Variants in PCDHGB7 observed in about 807,000 individuals in gnomAD.
PCDHGB7 encodes the protein protocadherin gamma-B7.
A neutral mutation model predicts 61.4 loss-of-function variants in PCDHGB7; 37 were observed. That is an observed-to-expected ratio of 0.60 (90% CI 0.46 to 0.79). The LOEUF (loss-of-function observed/expected upper bound fraction) is 0.79. Among genes scored for constraint, PCDHGB7 ranks in the 30% least tolerant of loss-of-function variants. PCDHGB7 has a pLI of 0.00. For missense variants in PCDHGB7, 1,166 were observed against 1,202.5 expected (o/e 0.97, Z 0.45); for synonymous variants, 464 against 503.5 (o/e 0.92, Z 1.05).
chr5:141,507,495 G>T (rs375483743), intron 3 of PCDHGB7, among the ~76,000 whole-genome samples: 2 of 152,234 alleles, frequency 1.3e-5, no homozygotes, highest in Non-Finnish European at 2.9e-5. Context: ...AGGCAGAGCT[G>T]TCCCAGGTCT....
At chr5:141,499,908 G>A (rs903753761) in intron 2 of PCDHGB7, among the ~76,000 whole-genome samples, 2 of 151,980 alleles carry the variant, frequency 1.3e-5, no homozygotes, top group African/African-American at 2.4e-5. Flanking sequence ...GGCTGGTCTT[G>A]AACTCCTGGC....
intron 1 of PCDHGB7, among the ~76,000 whole-genome samples, chr5:141,446,571 G>C (rs1460375061): frequency 2.0e-5 from 3 of 152,058 alleles, no homozygotes; most frequent in African/African-American, 7.2e-5. Flanking sequence ...CTGCCTCCCA[G>C]GTTCAAGTGA....
chr5:141,417,866 G>C lies in PCDHGB7; in HGVS notation c.7G>C (p.Gly3Arg), dbSNP rs1299960512. The change falls in exon 1 of 4, where the codon GGG (glycine) becomes CGG (arginine). Residue 3 changes from glycine to arginine, a missense_variant. By Grantham distance (125) the Gly-to-Arg change is moderately radical (BLOSUM62 -2). Coordinates refer to ENST00000398594, the MANE Select transcript of PCDHGB7 (RefSeq NM_018927.4). ...GCGAGAACCCGAGCGAACGATGGGA[G>C]GGAGCTGCGCGCAGAGGCGCCGGGC... is the stretch of plus-strand genomic sequence containing the variant. MG[G>R]SCAQRRRAGP... 1 of 1,552,408 alleles carries C rather than the reference G, an allele frequency of 6.4e-7. No homozygotes were observed. Among genetic ancestry groups the C allele is most frequent in the African/African-American group, 1.4e-5 (1 of 73,156 alleles).
rs749086929 is a variant in PCDHGB7, at chr5:141,485,998, T to A, written c.2416-8809T>A. ...CAGACCCGGACCTGGGTCCCAGTGG[T>A]AACGTCACCTTTTATTTCAGTGGTC... On this transcript the variant is annotated intron_variant, in intron 1 of 3. Transcript: ENST00000398594. The surrounding 1 kb of genome is among the most constrained non-coding windows in gnomAD (Gnocchi z 5.7). 2.4e-5 allele frequency: 38 copies of A among 1,614,068 alleles called. No individual in the cohort carries two copies. Among genetic ancestry groups the A allele is most frequent in the Non-Finnish European group, 3.1e-5 (37 of 1,180,046 alleles).
intron 1 of PCDHGB7, among the ~76,000 whole-genome samples, chr5:141,474,417 C>CCATT (rs1206525105): frequency 6.6e-6 from 1 of 152,222 alleles, no homozygotes; most frequent in East Asian, 1.9e-4. Context: ...GATGCCTAGA[C>CCATT]CATTGGTCCT....
intron 2 of PCDHGB7, among the ~76,000 whole-genome samples, chr5:141,498,555 C>T (rs2099784323): frequency 6.6e-6 from 1 of 152,032 alleles, no homozygotes; most frequent in South Asian, 2.1e-4. Flanking sequence ...GACACACCAG[C>T]TTCAAAGCAG....
intron 1 of PCDHGB7, among the ~76,000 whole-genome samples, chr5:141,482,652 G>C (rs1276348234): frequency 6.6e-6 from 1 of 152,074 alleles, no homozygotes; most frequent in African/African-American, 2.4e-5. Flanking sequence ...GGTGATGCTT[G>C]AGCTATGATC....
chr5:141,422,494 T>G lies in PCDHGB7; in HGVS notation c.2415+2220T>G, dbSNP rs772798862. On this transcript the variant is annotated intron_variant, in intron 1 of 3. Transcript: ENST00000398594. ...GTTGGTCCAGAGCTACAATATAACG[T>G]TGACAGCCACAGACCAGGGAAGCCC... The G allele has an allele frequency of 3.5e-5, 56 of 1,613,848 alleles. No homozygotes were observed. Among genetic ancestry groups the G allele is most frequent in the Non-Finnish European group, 1.0e-5 (12 of 1,179,896 alleles).
Position 141,485,987 on chromosome 5 carries a change from G to T in PCDHGB7, c.2416-8820G>T. 1 of 1,614,170 alleles carries T rather than the reference G, an allele frequency of 6.2e-7. No homozygotes were observed. On this transcript the variant is annotated intron_variant, in intron 1 of 3. Transcript: ENST00000398594. The surrounding 1 kb of genome is among the most constrained non-coding windows in gnomAD (Gnocchi z 5.7). ...GCTCAATGCCTCAGACCCGGACCTG[G>T]GTCCCAGTGGTAACGTCACCTTTTA...
intron 1 of PCDHGB7, among the ~76,000 whole-genome samples, chr5:141,433,594 G>A (rs1331681563): frequency 1.3e-5 from 2 of 152,086 alleles, no homozygotes; most frequent in Admixed American, 1.3e-4. Context: ...CCAGTACTTT[G>A]GGAGGCCGAG....
intron 1 of PCDHGB7, among the ~76,000 whole-genome samples, chr5:141,465,576 C>T (rs1002696285): frequency 6.6e-6 from 1 of 152,136 alleles, no homozygotes; most frequent in Non-Finnish European, 1.5e-5. Context: ...TCTCAAAACA[C>T]TCTCATAATA....
chr5:141,447,433 C>G (rs756021616), intron 1 of PCDHGB7, among the ~76,000 whole-genome samples: 1 of 152,118 alleles, frequency 6.6e-6, no homozygotes. Context: ...CCACCGCACC[C>G]GGAGGAAATT....
At chr5:141,450,957 T>G (rs2154563418) in intron 1 of PCDHGB7, among the ~76,000 whole-genome samples, 1 of 152,010 alleles carries the variant, frequency 6.6e-6, no homozygotes, top group Non-Finnish European at 1.5e-5. Context: ...CCCAAGTAGC[T>G]GGGATTACAG....
In PCDHGB7 at chr5:141,432,413, G is replaced by A; in HGVS notation, c.2415+12139G>A. 1.2e-6 allele frequency: 2 copies of A among 1,614,232 alleles called. No homozygotes were observed. The highest frequency in any genetic ancestry group is 2.2e-5 in the South Asian group (2 of 91,082). Reference sequence around the variant, plus strand: ...CAGCAACGTGTCGTTGAGCCTGTTCGTGCTGGACCAGAACGACAATGCGCC... The same window carrying A: ...CAGCAACGTGTCGTTGAGCCTGTTCATGCTGGACCAGAACGACAATGCGCC... On this transcript the variant is annotated intron_variant, in intron 1 of 3. Coordinates refer to ENST00000398594, the MANE Select transcript of PCDHGB7 (RefSeq NM_018927.4). The surrounding 1 kb of genome is among the most constrained non-coding windows in gnomAD (Gnocchi z 6.0).
At chr5:141,470,900 G>A (rs1454085317) in intron 1 of PCDHGB7, among the ~76,000 whole-genome samples, 4 of 151,832 alleles carry the variant, frequency 2.6e-5, no homozygotes, top group African/African-American at 9.7e-5. Context: ...GTTTTTTGTA[G>A]AGATGGGACT....
intron 1 of PCDHGB7, among the ~76,000 whole-genome samples, chr5:141,464,444 T>C (rs2099084887): frequency 6.6e-6 from 1 of 151,634 alleles, no homozygotes; most frequent in East Asian, 1.9e-4. Context: ...TGTTTGTTGT[T>C]GTTGTTGTTA....
At chr5:141,466,058 C>T (rs970494567) in intron 1 of PCDHGB7, among the ~76,000 whole-genome samples, 2 of 152,046 alleles carry the variant, frequency 1.3e-5, no homozygotes, top group African/African-American at 4.8e-5. Flanking sequence ...GGAGACGGAG[C>T]TTGCAGTGAG....
At position 141,512,348 on chromosome 5, in the gene PCDHGB7, G is replaced by C. The variant is rs1172891268; in HGVS notation, c.*1175G>C. 4 of 152,886 alleles carry C rather than the reference G, an allele frequency of 2.6e-5. No homozygotes were observed. The highest frequency in any genetic ancestry group is 9.6e-5 in the African/African-American group (4 of 41,462). The allele number at this position is 152,886 out of a possible 1,614,324, so 9.5% of individuals were successfully genotyped here. A position where few individuals can be genotyped will look rare whatever the true frequency, so the allele number is the denominator to read the frequency against. ...GGCCATTCTTAGTCCCTGGGTTGGG[G>C]AGGCAGGGAGCTAGGGCAGGGACCA... On this transcript the variant is annotated 3_prime_UTR_variant, in exon 4 of 4. Transcript: ENST00000398594.
In PCDHGB7 at chr5:141,505,419, C is replaced by G. The variant is rs1303924776; in HGVS notation, c.2501C>G (p.Thr834Ser). 6 of 1,614,140 alleles carry G rather than the reference C, an allele frequency of 3.7e-6. No individual in the cohort carries two copies. The highest frequency in any genetic ancestry group is 4.2e-6 in the Non-Finnish European group (5 of 1,180,062). Residue 834 changes from threonine to serine, a missense_variant, in exon 3 of 4, where the codon ACC becomes AGC. Thr to Ser is a moderately conservative substitution (Grantham distance 58). Coordinates refer to ENST00000398594, the MANE Select transcript of PCDHGB7 (RefSeq NM_018927.4). ...SGSQNGDDTGTWPNNQFDTEM... is the reference protein window; with the variant it reads ...SGSQNGDDTGSWPNNQFDTEM... ...TCCCAAAATGGCGATGACACCGGCACCTGGCCCAACAACCAGTTTGACACA... is the reference window on the plus strand; with the variant it reads ...TCCCAAAATGGCGATGACACCGGCAGCTGGCCCAACAACCAGTTTGACACA...
Sources: allele counts gnomAD v4.1 joint callset (sites outside exome capture counted in the v4.1 genomes callset), GRCh38; gene constraint gnomAD v4.1.1; non-coding constraint Gnocchi (gnomAD v3.1); transcripts MANE v1.5; gene names NCBI Gene and HGNC (gene_info 2026-07-23, HGNC 2026-07-21).